The following MED13 variants were observed in gnomAD, a reference collection of about 807,000 sequenced individuals.
MED13 encodes the protein mediator of RNA polymerase II transcription subunit 13.
MED13 carries 23 observed loss-of-function variants against 225.2 expected under a neutral mutation model. The ratio of observed to expected loss-of-function variants is 0.10; its 90% CI spans 0.07 to 0.14. MED13 has a LOEUF of 0.14. Among genes scored for constraint, MED13 ranks in the 10% least tolerant of loss-of-function variants. The pLI, the probability that MED13 is intolerant of heterozygous loss-of-function variation, is 1.00. For synonymous variants in MED13, 942 were observed against 889.2 expected (o/e 1.06, Z -1.06); for missense variants, 2,197 against 2,594.5 (o/e 0.85, Z 3.33).
At position 62,051,304 on chromosome 17, in the gene MED13, G is replaced by A. The variant is rs78417059; in HGVS notation, c.470+1233C>T. On this transcript the variant is annotated intron_variant, in intron 3 of 29. Transcript: ENST00000397786. ...CCTGGAATCCACTGTGAGGTCTGGA[G>A]GTGCAACACACGGGAGGACCATGAA... 4.8e-3 allele frequency among the ~76,000 whole-genome samples: 727 copies of A among 152,262 alleles called. 6 individuals carry two copies. The highest frequency in any genetic ancestry group is 0.015 in the African/African-American group (612 of 41,538).
intron 3 of MED13, among the ~76,000 whole-genome samples, chr17:62,038,230 C>CA (rs1257255414): frequency 1.3e-5 from 2 of 151,738 alleles, no homozygotes; most frequent in African/African-American, 4.8e-5. Context: ...CCCATCTCCA[C>CA]AAAAAAATTA....
At chr17:62,039,704 G>A (rs1004891665) in intron 3 of MED13, among the ~76,000 whole-genome samples, 3 of 147,968 alleles carry the variant, frequency 2.0e-5, no homozygotes, top group Non-Finnish European at 4.4e-5. Context: ...CAATTCTCTT[G>A]CCTCAGCCTC....
intron 8 of MED13, among the ~76,000 whole-genome samples, chr17:62,015,523 G>A (rs2080554726): frequency 2.0e-5 from 3 of 151,798 alleles, no homozygotes. Context: ...ACATAAGAGG[G>A]GAACCTGTTA....
At chr17:62,062,883 A>G (rs1286531591) in intron 2 of MED13, among the ~76,000 whole-genome samples, 184 bp downstream of exon 2, 1 of 152,240 alleles carries the variant, frequency 6.6e-6, no homozygotes, top group Non-Finnish European at 1.5e-5. Context: ...AAACCCAGCT[A>G]TAACAACATG....
At chr17:62,001,852 G>C (rs989962040) in intron 9 of MED13, among the ~76,000 whole-genome samples, 6 of 152,060 alleles carry the variant, frequency 3.9e-5, no homozygotes, top group Non-Finnish European at 7.4e-5. Flanking sequence ...AGAAACTTCA[G>C]TTTTATTGAA....
Position 61,954,859 on chromosome 17 carries a change from G to C in MED13, c.5968+523C>G, listed in dbSNP as rs144919108. 1.7e-3 allele frequency among the ~76,000 whole-genome samples: 258 copies of C among 152,278 alleles called. 2 individuals are homozygous for C. Among genetic ancestry groups the C allele is most frequent in the African/African-American group, 5.7e-3 (239 of 41,574 alleles). ...ATATCAACAAGGTGAAAGAATGATT[G>C]TATTAGTTTCCTGTTGCCACTTTAA... On this transcript the variant is annotated intron_variant, in intron 26 of 29. Coordinates refer to ENST00000397786, the MANE Select transcript of MED13 (RefSeq NM_005121.3).
In MED13 at chr17:62,040,873, A is replaced by T. The variant is rs2080846969; in HGVS notation, c.471-5265T>A. On this transcript the variant is annotated intron_variant, in intron 3 of 29. Transcript: ENST00000397786. The stretch of plus-strand genomic sequence containing the variant: ...CCATAAAAATAGCTTTAAAAAAAAC[A>T]GGAAATAACAAGTGTTGATGAGGAT... 2.6e-5 allele frequency among the ~76,000 whole-genome samples: 4 copies of T among 152,340 alleles called. No individual in the cohort carries two copies. In the South Asian group the frequency reaches 8.3e-4, roughly 32 times the overall value.
At chr17:61,984,124 A>G (rs2080228121) in intron 15 of MED13, 47 bp downstream of exon 15, 9 of 1,285,292 alleles carry the variant, frequency 7.0e-6, no homozygotes, top group African/African-American at 1.5e-5. Context: ...AAAAAAAATT[A>G]AAGCTGTATA....
chr17:61,961,144 T>A (rs2079995498), intron 22 of MED13, 54 bp from the exon 23 acceptor site: 1 of 1,367,868 alleles, frequency 7.3e-7, no homozygotes, highest in Non-Finnish European at 1.0e-6. Context: ...AGAGAAATAT[T>A]GCATTTAAAA....
In MED13 at chr17:62,033,992, C is replaced by A. The variant is rs572771638; in HGVS notation, c.617-8G>T. Reference sequence around the variant, plus strand: ...CAAATGGGCATAAGATAACTAGAAACCCAAAGCAGACATCAAATAAGTAAC... The same window carrying A: ...CAAATGGGCATAAGATAACTAGAAAACCAAAGCAGACATCAAATAAGTAAC... On this transcript the variant is annotated splice_polypyrimidine_tract_variant and splice_region_variant and intron_variant, in intron 4 of 29. Coordinates refer to ENST00000397786, the MANE Select transcript of MED13 (RefSeq NM_005121.3). 8 of 1,610,930 alleles carry A rather than the reference C, an allele frequency of 5.0e-6. No homozygotes were observed. The South Asian group carries it at 8.8e-5, about 18-fold the overall frequency.
chr17:61,991,702 G>T (rs1354068048), intron 11 of MED13, among the ~76,000 whole-genome samples: 1 of 152,072 alleles, frequency 6.6e-6, no homozygotes, highest in Non-Finnish European at 1.5e-5. Context: ...TAGAGACGGG[G>T]TTTCACCATG....
intron 8 of MED13, among the ~76,000 whole-genome samples, chr17:62,017,709 TCA>T (rs1031526191): frequency 2.6e-4 from 39 of 152,264 alleles, no homozygotes; most frequent in African/African-American, 9.1e-4. Flanking sequence ...CACCACACAT[TCA>T]GTTTGTTGTT....
At chr17:61,946,837 A>T in intron 29 of MED13, 80 bp downstream of exon 29, 1 of 1,383,868 alleles carries the variant, frequency 7.2e-7, no homozygotes, top group Non-Finnish European at 1.0e-6. Flanking sequence ...TCTTGCCAAA[A>T]ATGAGAAAAA....
intron 23 of MED13, among the ~76,000 whole-genome samples, chr17:61,960,322 G>C (rs2079988009): frequency 6.6e-6 from 1 of 151,396 alleles, no homozygotes; most frequent in Non-Finnish European, 1.5e-5. Context: ...AGGCTGGAAT[G>C]CAATGGCGTG....
Position 62,050,360 on chromosome 17 carries a change from G to GA in MED13, c.470+2176dup, listed in dbSNP as rs555050127. ...GCAACAAGAGTGAAACTCCGTATCA[G>GA]AAAAAAAAAAAAAAGGAAAAGGAGA... On this transcript the variant is annotated intron_variant, in intron 3 of 29. Coordinates refer to ENST00000397786, the MANE Select transcript of MED13 (RefSeq NM_005121.3). 7.9e-3 allele frequency among the ~76,000 whole-genome samples: 803 copies of GA among 101,998 alleles called. 2 individuals are homozygous for GA. Among genetic ancestry groups the GA allele is most frequent in the African/African-American group, 0.019 (509 of 27,490 alleles). The allele number at this position is 101,998 out of a possible 152,430, so 66.9% of individuals were successfully genotyped here. A position where few individuals can be genotyped will look rare whatever the true frequency, so the allele number is the denominator to read the frequency against.
chr17:61,984,681 T>A lies in MED13; in HGVS notation c.2661A>T (p.Gly887=). The A allele has an allele frequency of 6.2e-7, 1 of 1,613,428 alleles. No individual in the cohort carries two copies. The highest frequency in any genetic ancestry group is 8.5e-7 in the Non-Finnish European group (1 of 1,179,642). ...GAQFKIEVDE[G]FCSPKPSEIK... ...TTTCAGAAGGTTTGGGGCTACAGAA[T>A]CCCTCATCAACCTCAATTTTGAACT... The change falls in exon 14 of 30, where the codon GGA becomes GGT. Residue 887 remains glycine, a synonymous_variant. Transcript: ENST00000397786.
At position 62,032,156 on chromosome 17, in the gene MED13, T is replaced by TA. The variant is rs200787806; in HGVS notation, c.815-519dup. 3.6e-3 allele frequency among the ~76,000 whole-genome samples: 526 copies of TA among 146,432 alleles called. 1 individual carries two copies. Among genetic ancestry groups the TA allele is most frequent in the African/African-American group, 8.4e-3 (335 of 40,028 alleles). On this transcript the variant is annotated intron_variant, in intron 5 of 29. Transcript: ENST00000397786. ...AAGTGAGCACTGGTAATCTTTTTCT[T>TA]AAAAAAAAAACAGACAAACAACAAC...
chr17:61,961,520 A>G (rs1216901348), intron 22 of MED13, 68 bp downstream of exon 22: 1 of 79,552 alleles, frequency 1.3e-5, no homozygotes, highest in Non-Finnish European at 1.8e-5. Flanking sequence ...GCTCCATCTC[A>G]AAAAAAAAAA....
At chr17:62,025,650 A>G (rs1047753188) in intron 8 of MED13, among the ~76,000 whole-genome samples, 3 of 152,184 alleles carry the variant, frequency 2.0e-5, no homozygotes, top group African/African-American at 7.2e-5. Flanking sequence ...TGTCTGCGAG[A>G]TATCGTCTCA....
Sources: allele counts gnomAD v4.1 joint callset (sites outside exome capture counted in the v4.1 genomes callset), GRCh38; gene constraint gnomAD v4.1.1; transcripts MANE v1.5; gene names NCBI Gene and HGNC (gene_info 2026-07-23, HGNC 2026-07-21).